The following CSMD1 variants were observed in gnomAD, a reference collection of about 807,000 sequenced individuals.
CSMD1 encodes the protein CUB and sushi domain-containing protein 1.
In CSMD1, 213 loss-of-function variants were observed where a neutral mutation model predicts 417.5. That is an observed-to-expected ratio of 0.51 (90% CI 0.46 to 0.57). The LOEUF (loss-of-function observed/expected upper bound fraction) is 0.57. Among genes scored for constraint, CSMD1 ranks in the 20% least tolerant of loss-of-function variants. The probability of loss-of-function intolerance (pLI) is 0.00; values close to 1 mark genes in which losing one functional copy is unlikely to be tolerated. For missense variants in CSMD1, 6,923 were observed against 4,529.7 expected, an observed-to-expected ratio of 1.53 and a Z score of -15.17; for synonymous variants, 2,862 against 1,736.8, an observed-to-expected ratio of 1.65 and a Z score of -16.11.
intron 1 of CSMD1, among the ~76,000 whole-genome samples, chr8:4,692,859 G>T (rs1806859708): frequency 6.6e-6 from 1 of 152,132 alleles, no homozygotes; most frequent in Non-Finnish European, 1.5e-5. Flanking sequence ...ATACTGTGAG[G>T]TGCTAGACAA....
At chr8:3,719,401 A>G (rs899963490) in intron 6 of CSMD1, among the ~76,000 whole-genome samples, 1 of 152,096 alleles carries the variant, frequency 6.6e-6, no homozygotes, top group Admixed American at 6.5e-5. Flanking sequence ...TGAATTAACT[A>G]CCCTAAAAGT....
chr8:4,344,925 G>T lies in CSMD1; in HGVS notation c.415+75028C>A, dbSNP rs937927479. On this transcript the variant is annotated intron_variant, in intron 3 of 69. Transcript: ENST00000635120. ...GAACAGGCACTATGCAACAGGTTGT[G>T]GTCAGCTGGTCTCTGTTCCAATGTG... is the stretch of plus-strand genomic sequence containing the variant. Among the ~76,000 whole-genome samples the T allele has an allele frequency of 1.1e-4, 17 of 152,196 alleles. 1 individual carries two copies. Among genetic ancestry groups the T allele is most frequent in the Admixed American group, 8.5e-4 (13 of 15,270 alleles).
chr8:4,772,698 G>T (rs1367678611), intron 1 of CSMD1, among the ~76,000 whole-genome samples: 1 of 152,174 alleles, frequency 6.6e-6, no homozygotes, highest in East Asian at 1.9e-4. Context: ...GAAAGGATGT[G>T]CATTGAGTTA....
intron 30 of CSMD1, among the ~76,000 whole-genome samples, chr8:3,212,411 C>G (rs973149696): frequency 6.6e-6 from 1 of 152,110 alleles, no homozygotes; most frequent in Non-Finnish European, 1.5e-5. Context: ...TGCAGTGGAG[C>G]AATCTCGGCT....
chr8:3,162,731 A>G (rs903177945), intron 37 of CSMD1, among the ~76,000 whole-genome samples: 3 of 151,574 alleles, frequency 2.0e-5, no homozygotes, highest in African/African-American at 7.3e-5. Flanking sequence ...AAAAAAAAAG[A>G]GAAAAAATAT....
chr8:3,113,251 G>C (rs188834217), intron 42 of CSMD1: 1 of 152,416 alleles, frequency 6.6e-6, no homozygotes, highest in Admixed American at 6.5e-5. Flanking sequence ...GGACCAGGAA[G>C]ACAGACAGCT....
Position 4,236,026 on chromosome 8 carries a change from G to GCTTTTTTTTTTTTTTTTTTTT in CSMD1, c.415+183926_415+183927insAAAAAAAAAAAAAAAAAAAAG, listed in dbSNP as rs1420352173. On this transcript the variant is annotated intron_variant, in intron 3 of 69. Coordinates refer to ENST00000635120, the MANE Select transcript of CSMD1 (RefSeq NM_033225.6). The stretch of plus-strand genomic sequence containing the variant: ...GTGAGCAAAGAGGTTAATGGATATT[G>GCTTTTTTTTTTTTTTTTTTTT]TTTTTTTTGTTTGTTTTTTTTTTTT... Among the ~76,000 whole-genome samples, 5 of 108,078 alleles carry GCTTTTTTTTTTTTTTTTTTTT rather than the reference G, an allele frequency of 4.6e-5. 1 individual carries two copies. Among genetic ancestry groups the GCTTTTTTTTTTTTTTTTTTTT allele is most frequent in the East Asian group, 2.5e-4 (1 of 4,016 alleles). The allele number at this position is 108,078 out of a possible 152,430, so 70.9% of individuals were successfully genotyped here.
chr8:4,273,485 C>G (rs943814712), intron 3 of CSMD1, among the ~76,000 whole-genome samples: 6 of 152,176 alleles, frequency 3.9e-5, no homozygotes, highest in Admixed American at 1.3e-4. Context: ...GCCTAATAAA[C>G]TTATTTTGAG....
intron 2 of CSMD1, among the ~76,000 whole-genome samples, chr8:4,512,818 TAA>T (rs34868507): frequency 4.5e-4 from 66 of 146,700 alleles, no homozygotes; most frequent in Non-Finnish European, 7.7e-4. Flanking sequence ...TTCATGGATT[TAA>T]AAAAAAAAAA....
chr8:4,893,841 A>G (rs187314934), intron 1 of CSMD1, among the ~76,000 whole-genome samples: 25 of 152,282 alleles, frequency 1.6e-4, no homozygotes, highest in Non-Finnish European at 2.5e-4. Flanking sequence ...GGTGAGTAGC[A>G]TACAGTTGTT....
At chr8:3,237,846 CTTATACTATAAATATAATTTTTATAA>C (rs1442215838) in intron 26 of CSMD1, among the ~76,000 whole-genome samples, 1,999 of 95,260 alleles carry the variant, frequency 0.021, 172 homozygotes, top group African/African-American at 0.059. Context: ...TATAATTATA[CTTATACTATAAATATAATTTTTATAA>C]TTATACTATA....
intron 5 of CSMD1, among the ~76,000 whole-genome samples, chr8:3,920,305 G>A (rs968469335): frequency 6.6e-6 from 1 of 151,966 alleles, no homozygotes. Context: ...AAAGTGCTGA[G>A]ATTATAGGAG....
At chr8:4,490,924 G>A (rs977709030) in intron 2 of CSMD1, among the ~76,000 whole-genome samples, 2 of 152,218 alleles carry the variant, frequency 1.3e-5, no homozygotes, top group Middle Eastern at 3.2e-3. Context: ...TATCACAGGA[G>A]TGGATAAGGG....
intron 5 of CSMD1, among the ~76,000 whole-genome samples, chr8:3,923,914 T>G (rs1285415725): frequency 6.6e-6 from 1 of 152,212 alleles, no homozygotes. Flanking sequence ...GTCCTTTAAA[T>G]TTCATAAAAG....
chr8:4,738,796 G>T (rs926937673), intron 1 of CSMD1, among the ~76,000 whole-genome samples: 1 of 151,982 alleles, frequency 6.6e-6, no homozygotes, highest in African/African-American at 2.4e-5. Flanking sequence ...CAAATAAGAT[G>T]GATGCCCCTG....
Position 3,497,519 on chromosome 8 carries a change from C to G in CSMD1, c.1345-3793G>C, listed in dbSNP as rs558548063. ...TCCTGGGTTTAAGCAATTCTCATGTCTCACCCTTCTAGGTATCTGGGATTA... is the reference window on the plus strand; with the variant it reads ...TCCTGGGTTTAAGCAATTCTCATGTGTCACCCTTCTAGGTATCTGGGATTA... On this transcript the variant is annotated intron_variant, in intron 10 of 69. Transcript: ENST00000635120. Among the ~76,000 whole-genome samples, 6 of 152,138 alleles carry G rather than the reference C, an allele frequency of 3.9e-5. No individual in the cohort carries two copies. In the South Asian group the frequency reaches 1.0e-3, roughly 26 times the overall value.
chr8:4,858,152 A>G (rs1380377283), intron 1 of CSMD1, among the ~76,000 whole-genome samples: 1 of 150,272 alleles, frequency 6.7e-6, no homozygotes, highest in Non-Finnish European at 1.5e-5. Flanking sequence ...AAACAGAGCC[A>G]AAGACAAAAA....
chr8:3,811,446 T>C (rs1487803246), intron 5 of CSMD1, among the ~76,000 whole-genome samples: 2 of 152,148 alleles, frequency 1.3e-5, no homozygotes, highest in African/African-American at 2.4e-5. Context: ...GGAGTGGGCA[T>C]GGATTTTATC....
At chr8:4,084,571 T>C (rs2130825183) in intron 3 of CSMD1, among the ~76,000 whole-genome samples, 1 of 152,302 alleles carries the variant, frequency 6.6e-6, no homozygotes, top group East Asian at 1.9e-4. Flanking sequence ...AGGAACTCGA[T>C]TCCTTAATCA....
Sources: allele counts gnomAD v4.1 joint callset (sites outside exome capture counted in the v4.1 genomes callset), GRCh38; gene constraint gnomAD v4.1.1; transcripts MANE v1.5; gene names NCBI Gene and HGNC (gene_info 2026-07-23, HGNC 2026-07-21).